The following MBD5 variants were observed in gnomAD, a reference collection of about 807,000 sequenced individuals.
MBD5 encodes methyl-CpG binding domain protein 5.
MBD5 carries 13 observed loss-of-function variants against 117.3 expected under a neutral mutation model. The observed-to-expected ratio is 0.11, with a 90% confidence interval of 0.07 to 0.18. MBD5 has a LOEUF of 0.18. Among genes scored for constraint, MBD5 ranks in the 10% least tolerant of loss-of-function variants. The pLI is 1.00. For synonymous variants in MBD5, 727 were observed against 766.4 expected, an observed-to-expected ratio of 0.95 and a Z score of 0.85; for missense variants, 1,879 against 2,093.8, an observed-to-expected ratio of 0.90 and a Z score of 2.00.
chr2:148,404,278 T>C (rs1034276583), intron 4 of MBD5, among the ~76,000 whole-genome samples: 16 of 152,194 alleles, frequency 1.1e-4, no homozygotes, highest in Non-Finnish European at 2.1e-4. Flanking sequence ...ACTAGAACAG[T>C]ATCAGTCTAA....
rs1681223432 is a variant in MBD5, at chr2:148,483,317, A to G, written c.2726A>G (p.His909Arg). The change falls in exon 9 of 14, where the codon CAT (histidine) becomes CGT (arginine). Residue 909 changes from histidine to arginine, a missense_variant. Coordinates refer to ENST00000642680, the MANE Select transcript of MBD5 (RefSeq NM_001378120.1). ...HFPSNSTSNNHLPHPLNPSLL... is the reference protein window; with the variant it reads ...HFPSNSTSNNRLPHPLNPSLL... Reference sequence around the variant, plus strand: ...CCATCCAACAGCACTTCAAACAACCATCTTCCACACCCCTTGAACCCCAGC... The same window carrying G: ...CCATCCAACAGCACTTCAAACAACCGTCTTCCACACCCCTTGAACCCCAGC... 1 of 1,613,986 alleles carries G rather than the reference A, an allele frequency of 6.2e-7. No individual in the cohort carries two copies. The highest frequency in any genetic ancestry group is 8.5e-7 in the Non-Finnish European group (1 of 1,179,962).
intron 4 of MBD5, among the ~76,000 whole-genome samples, chr2:148,400,221 CT>C (rs1434323227): frequency 6.6e-6 from 1 of 151,512 alleles, no homozygotes; most frequent in African/African-American, 2.4e-5. Flanking sequence ...TTCTTTTTTA[CT>C]TTTTTTAAAT....
At chr2:148,281,327 G>A (rs1459468296) in intron 3 of MBD5, among the ~76,000 whole-genome samples, 3 of 152,040 alleles carry the variant, frequency 2.0e-5, no homozygotes, top group Non-Finnish European at 2.9e-5. Context: ...TTTACTAGGT[G>A]CCTTTTCTAC....
chr2:148,363,772 A>G (rs1453756794), intron 4 of MBD5, among the ~76,000 whole-genome samples: 1 of 152,176 alleles, frequency 6.6e-6, no homozygotes, highest in Non-Finnish European at 1.5e-5. Flanking sequence ...TTAATGAAAT[A>G]AAGTGTGAAG....
chr2:148,151,734 T>C (rs926176605), intron 1 of MBD5, among the ~76,000 whole-genome samples: 3 of 152,114 alleles, frequency 2.0e-5, no homozygotes, highest in African/African-American at 7.2e-5. Context: ...TGTGTAGAGG[T>C]GTTTGTAGTA....
At chr2:148,180,362 G>A (rs12475188) in intron 2 of MBD5, among the ~76,000 whole-genome samples, 1,600 of 23,322 alleles carry the variant, frequency 0.069, 14 homozygotes, top group Non-Finnish European at 0.11. Context: ...ATATATATAT[G>A]TATATATGTA....
At chr2:148,309,420 T>G (rs1483558639) in intron 3 of MBD5, among the ~76,000 whole-genome samples, 1 of 152,180 alleles carries the variant, frequency 6.6e-6, no homozygotes. Flanking sequence ...GTAGCAACTG[T>G]GAATGAGAGT....
At chr2:148,502,274 A>C in intron 11 of MBD5, 162 bp from the exon 12 acceptor site, 1 of 682,630 alleles carries the variant, frequency 1.5e-6, no homozygotes, top group South Asian at 1.7e-5. Context: ...CACAGAATCA[A>C]CCTCTAATGA....
chr2:148,032,459 A>G (rs1234414), intron 1 of MBD5, among the ~76,000 whole-genome samples: 19,872 of 152,090 alleles, frequency 0.13, 1,647 homozygotes, highest in Middle Eastern at 0.2. Flanking sequence ...TTTGATCAAG[A>G]TGAAGAAAAG....
chr2:148,491,544 C>G (rs1440977514), intron 11 of MBD5, among the ~76,000 whole-genome samples: 2 of 151,978 alleles, frequency 1.3e-5, no homozygotes, highest in Non-Finnish European at 2.9e-5. Flanking sequence ...TGTGCTCAAA[C>G]TTTCACTGGC....
chr2:148,152,696 G>A (rs568690879), intron 1 of MBD5, among the ~76,000 whole-genome samples: 1 of 151,594 alleles, frequency 6.6e-6, no homozygotes, highest in South Asian at 2.1e-4. Context: ...TTATGTAATG[G>A]CCTTCTTTGT....
In MBD5 at chr2:148,453,147, G is replaced by C. The variant is rs117622101; in HGVS notation, c.-556-5056G>C. On this transcript the variant is annotated intron_variant, in intron 4 of 13. Transcript: ENST00000642680. ...TAAACACACAAACAAATGATAAACAGTAATAATCATCATCAGATAATGAAA... is the reference window on the plus strand; with the variant it reads ...TAAACACACAAACAAATGATAAACACTAATAATCATCATCAGATAATGAAA... Among the ~76,000 whole-genome samples the C allele has an allele frequency of 4.5e-4, 65 of 144,244 alleles. 2 individuals are homozygous for C. In the East Asian group the frequency reaches 0.011, roughly 24 times the overall value. 94.6% of individuals were successfully genotyped at this position (144,244 alleles called of 152,430 possible).
At position 148,127,775 on chromosome 2, in the gene MBD5, A is replaced by G. The variant is rs544556966; in HGVS notation, c.-924-50925A>G. On this transcript the variant is annotated intron_variant, in intron 1 of 13. Coordinates refer to ENST00000642680, the MANE Select transcript of MBD5 (RefSeq NM_001378120.1). ...TAATGGGATTCCTGGGTCAAATGGTATTTCTGCTTCTAGATCTTTGAGGAA... is the reference window on the plus strand; with the variant it reads ...TAATGGGATTCCTGGGTCAAATGGTGTTTCTGCTTCTAGATCTTTGAGGAA... Among the ~76,000 whole-genome samples, 10 of 152,228 alleles carry G rather than the reference A, an allele frequency of 6.6e-5. No homozygotes were observed. In the South Asian group the frequency reaches 1.9e-3, roughly 28 times the overall value.
intron 1 of MBD5, among the ~76,000 whole-genome samples, chr2:148,091,555 A>G (rs975354060): frequency 6.6e-6 from 1 of 152,126 alleles, no homozygotes; most frequent in Non-Finnish European, 1.5e-5. Flanking sequence ...CATAAAGTGG[A>G]GAAAGGATAC....
chr2:148,165,766 G>A (rs1231879127), intron 1 of MBD5, among the ~76,000 whole-genome samples: 2 of 151,990 alleles, frequency 1.3e-5, no homozygotes, highest in African/African-American at 4.8e-5. Context: ...GAAAATCATA[G>A]CATTATGAAG....
intron 12 of MBD5, among the ~76,000 whole-genome samples, chr2:148,507,899 T>G (rs1188892840): frequency 6.6e-6 from 1 of 152,172 alleles, no homozygotes; most frequent in Non-Finnish European, 1.5e-5. Flanking sequence ...TTTTAAATAT[T>G]TGGAACTTTA....
At chr2:148,434,234 C>G (rs1259183706) in intron 4 of MBD5, among the ~76,000 whole-genome samples, 1 of 151,912 alleles carries the variant, frequency 6.6e-6, no homozygotes, top group Non-Finnish European at 1.5e-5. Context: ...TACCCTTTGT[C>G]ATTTCTAATT....
At chr2:148,325,443 C>T (rs13385697) in intron 3 of MBD5, among the ~76,000 whole-genome samples, 1,922 of 152,230 alleles carry the variant, frequency 0.013, 39 homozygotes, top group African/African-American at 0.043. Context: ...TGGTAGAATT[C>T]GGCTGTGAAT....
At chr2:148,150,465 C>T (rs1697624058) in intron 1 of MBD5, among the ~76,000 whole-genome samples, 2 of 151,964 alleles carry the variant, frequency 1.3e-5, no homozygotes, top group African/African-American at 4.8e-5. Context: ...TATTTTTTTC[C>T]AATTCTGTGA....
Sources: allele counts gnomAD v4.1 joint callset (sites outside exome capture counted in the v4.1 genomes callset), GRCh38; gene constraint gnomAD v4.1.1; transcripts MANE v1.5; gene names NCBI Gene and HGNC (gene_info 2026-07-23, HGNC 2026-07-21).